Variants in DACH2 observed in about 807,000 individuals in gnomAD.
DACH2 encodes the protein dachshund family transcription factor 2.
In DACH2, 17 loss-of-function variants were observed where a neutral mutation model predicts 35.8. The observed-to-expected ratio is 0.48, with a 90% confidence interval of 0.33 to 0.71. The LOEUF is 0.71. Ranked by LOEUF, DACH2 falls within the 30% of genes least tolerant of loss-of-function variation. The pLI is 0.02. For synonymous variants in DACH2, 195 were observed against 177.3 expected (o/e 1.10, Z -0.79); for missense variants, 469 against 472.7 (o/e 0.99, Z 0.07).
chrX:86,572,520 A>G (rs5968947), intron 3 of DACH2, among the ~76,000 whole-genome samples: 28,357 of 110,747 alleles, frequency 0.26, 4,839 homozygotes, highest in African/African-American at 0.63. Context: ...TTCATTCTGT[A>G]TATCTTTTAC....
At chrX:86,505,090 T>C (rs1454183614) in intron 2 of DACH2, among the ~76,000 whole-genome samples, 1 of 111,810 alleles carries the variant, frequency 8.9e-6, no homozygotes, top group African/African-American at 3.2e-5. Flanking sequence ...ATGTAGGAGA[T>C]AGTTGGGAGT....
In DACH2 at chrX:86,305,725, G is replaced by A. The variant is rs755959282; in HGVS notation, c.489-71099G>A. Among the ~76,000 whole-genome samples, 331 of 109,048 alleles carry A rather than the reference G, an allele frequency of 3.0e-3. 1 individual carries two copies. Among genetic ancestry groups the A allele is most frequent in the African/African-American group, 0.011 (327 of 29,950 alleles). 94.7% of individuals were successfully genotyped at this position (109,048 alleles called of 115,157 possible). A position where few individuals can be genotyped will look rare whatever the true frequency, so the allele number is the denominator to read the frequency against. On this transcript the variant is annotated intron_variant, in intron 1 of 11. Transcript: ENST00000373125. The stretch of plus-strand genomic sequence containing the variant: ...TATATATAACAAAATCGAACAACTC[G>A]ATAGCAGAAAAAAAAAACACCCTAA...
At chrX:86,432,986 G>A (rs1473726465) in intron 2 of DACH2, among the ~76,000 whole-genome samples, 1 of 111,759 alleles carries the variant, frequency 8.9e-6, no homozygotes, top group Non-Finnish European at 1.9e-5. Context: ...AGACTCTTCA[G>A]TTTATAACCC....
chrX:86,182,645 T>A lies in DACH2; in HGVS notation c.488+33537T>A, dbSNP rs369757249. On this transcript the variant is annotated intron_variant, in intron 1 of 11. Coordinates refer to ENST00000373125, the MANE Select transcript of DACH2 (RefSeq NM_053281.3). The stretch of plus-strand genomic sequence containing the variant: ...AGCTTTGTTCTTTTTGCTTCAAATT[T>A]TCTTGGCTATACGGGCTCATTTTTG... Among the ~76,000 whole-genome samples the A allele has an allele frequency of 5.4e-5, 6 of 111,830 alleles. No individual in the cohort carries two copies. The South Asian group carries it at 2.3e-3, about 42-fold the overall frequency.
chrX:86,258,818 C>A (rs1035547392), intron 1 of DACH2, among the ~76,000 whole-genome samples: 6 of 111,641 alleles, frequency 5.4e-5, no homozygotes, highest in Non-Finnish European at 1.1e-4. Context: ...TGACAAGACC[C>A]ATTAAATATT....
chrX:86,412,657 C>T (rs1057428662), intron 2 of DACH2, among the ~76,000 whole-genome samples: 1 of 111,558 alleles, frequency 9.0e-6, no homozygotes, highest in African/African-American at 3.3e-5. Context: ...CATGAGTCCA[C>T]GTATACTAGT....
intron 1 of DACH2, among the ~76,000 whole-genome samples, chrX:86,275,702 C>T (rs2033904320): frequency 9.0e-6 from 1 of 111,676 alleles, no homozygotes; most frequent in South Asian, 3.7e-4. Context: ...CCTTACTCTC[C>T]CACTACTCTT....
At chrX:86,436,171 C>T (rs1602516257) in intron 2 of DACH2, among the ~76,000 whole-genome samples, 1 of 110,490 alleles carries the variant, frequency 9.1e-6, no homozygotes, top group East Asian at 2.8e-4. Flanking sequence ...ACCATAAATC[C>T]TGAAATCTCT....
chrX:86,209,356 CACAA>C (rs757234040), intron 1 of DACH2, among the ~76,000 whole-genome samples: 11 of 111,539 alleles, frequency 9.9e-5, no homozygotes, highest in Admixed American at 1.9e-4. Context: ...CCTCCGTAAA[CACAA>C]ACAAACTCTT....
intron 3 of DACH2, among the ~76,000 whole-genome samples, chrX:86,638,697 A>G (rs193223573): frequency 2.8e-4 from 32 of 112,380 alleles, no homozygotes; most frequent in Admixed American, 2.8e-3. Flanking sequence ...TCAAATTAAT[A>G]CCATAATGAG....
intron 3 of DACH2, among the ~76,000 whole-genome samples, chrX:86,630,770 A>G (rs1037912302): frequency 3.7e-5 from 4 of 109,563 alleles, no homozygotes; most frequent in Non-Finnish European, 7.6e-5. Context: ...AGCTCACTGC[A>G]ACTTCCGCCT....
intron 1 of DACH2, among the ~76,000 whole-genome samples, chrX:86,322,458 C>T (rs747073704): frequency 1.6e-4 from 18 of 110,986 alleles, no homozygotes; most frequent in African/African-American, 3.3e-4. Context: ...GTGCCCCCAC[C>T]GACGGTTCTC....
intron 1 of DACH2, among the ~76,000 whole-genome samples, chrX:86,251,877 A>C (rs971998612): frequency 9.8e-5 from 11 of 111,888 alleles, no homozygotes; most frequent in Non-Finnish European, 1.9e-4. Context: ...TTGCTGGGTC[A>C]AATGGTAGTT....
intron 1 of DACH2, among the ~76,000 whole-genome samples, chrX:86,298,173 T>C (rs866816457): frequency 3.8e-4 from 43 of 111,878 alleles, no homozygotes; most frequent in African/African-American, 1.4e-3. Context: ...TAGTAGTGTG[T>C]TGCAGCATCA....
intron 4 of DACH2, among the ~76,000 whole-genome samples, chrX:86,688,379 T>C: frequency 9.0e-6 from 1 of 111,646 alleles, no homozygotes; most frequent in Non-Finnish European, 1.9e-5. Context: ...CTTGAGATGA[T>C]TGTAATGTGA....
intron 1 of DACH2, among the ~76,000 whole-genome samples, chrX:86,241,715 G>A (rs1232505112): frequency 1.8e-5 from 2 of 112,404 alleles, no homozygotes; most frequent in Non-Finnish European, 3.8e-5. Context: ...CCCATCACAG[G>A]CCCTAAGGCC....
intron 3 of DACH2, among the ~76,000 whole-genome samples, chrX:86,623,208 C>A (rs919031358): frequency 5.4e-5 from 6 of 111,765 alleles, no homozygotes; most frequent in African/African-American, 1.9e-4. Flanking sequence ...AGGCAAAAAA[C>A]CCATATTTAT....
chrX:86,283,946 T>A (rs2034092116), intron 1 of DACH2, among the ~76,000 whole-genome samples: 1 of 109,974 alleles, frequency 9.1e-6, no homozygotes, highest in Admixed American at 9.8e-5. Flanking sequence ...TTTTGTGCAT[T>A]GATTTTGTGT....
rs776437174 is a variant in DACH2 at position 86,212,033 on chromosome X, G to T, written c.488+62925G>T. Among the ~76,000 whole-genome samples, 97 of 111,727 alleles carry T rather than the reference G, an allele frequency of 8.7e-4. 1 individual carries two copies. Among genetic ancestry groups the T allele is most frequent in the Non-Finnish European group, 1.5e-3 (81 of 52,897 alleles). ...AAAGTTCCTAGAGAAGACCTGAATT[G>T]CATTGAATGGTATTTATATGTATAA... On this transcript the variant is annotated intron_variant, in intron 1 of 11. Coordinates refer to ENST00000373125, the MANE Select transcript of DACH2 (RefSeq NM_053281.3).
Sources: gnomAD v4.1 joint callset for allele counts (sites outside exome capture counted in the v4.1 genomes callset) on GRCh38, gnomAD v4.1.1 for gene constraint, MANE v1.5 for transcripts, NCBI Gene and HGNC (gene_info 2026-07-23, HGNC 2026-07-21) for gene names.